The following PPFIA2 variants were observed in gnomAD, a reference collection of about 807,000 sequenced individuals.
PPFIA2 encodes the protein liprin-alpha-2.
In PPFIA2, 46 loss-of-function variants were observed where a neutral mutation model predicts 175.5. The ratio of observed to expected loss-of-function variants is 0.26; its 90% CI spans 0.21 to 0.34. The LOEUF (loss-of-function observed/expected upper bound fraction) is 0.34, where lower values mean the gene tolerates loss of function less well. Ranked by LOEUF, PPFIA2 falls within the 10% of genes least tolerant of loss-of-function variation. The pLI is 1.00. For synonymous variants in PPFIA2, 568 were observed against 511.4 expected (o/e 1.11, Z -1.49); for missense variants, 1,179 against 1,506.1 (o/e 0.78, Z 3.60).
At chr12:81,513,203 C>T (rs1675574361) in intron 4 of PPFIA2, among the ~76,000 whole-genome samples, 2 of 151,948 alleles carry the variant, frequency 1.3e-5, no homozygotes, top group Admixed American at 6.6e-5. Context: ...AATGAGATAC[C>T]AACTTATTCT....
chr12:81,316,919 G>C (rs1478458906), intron 22 of PPFIA2, among the ~76,000 whole-genome samples: 1 of 151,224 alleles, frequency 6.6e-6, no homozygotes, highest in Non-Finnish European at 1.5e-5. Context: ...AGGAAAACTG[G>C]GCTCTGGAGA....
At chr12:81,397,693 C>A (rs1319028505) in intron 8 of PPFIA2, among the ~76,000 whole-genome samples, 1 of 151,946 alleles carries the variant, frequency 6.6e-6, no homozygotes, top group Non-Finnish European at 1.5e-5. Flanking sequence ...ACCAGGGGTG[C>A]CCACGTTCCA....
intron 14 of PPFIA2, among the ~76,000 whole-genome samples, chr12:81,366,212 A>T (rs149674739): frequency 3.8e-4 from 57 of 151,646 alleles, no homozygotes; most frequent in African/African-American, 1.3e-3. Flanking sequence ...TAAAAAAATA[A>T]GATAAAATTG....
chr12:81,472,920 A>G (rs2056955564), intron 4 of PPFIA2: 1 of 152,342 alleles, frequency 6.6e-6, no homozygotes, highest in East Asian at 1.9e-4. Context: ...CACTTTGTAA[A>G]ATACAATTTT....
intron 4 of PPFIA2, among the ~76,000 whole-genome samples, chr12:81,663,180 T>A (rs1234297705): frequency 6.6e-6 from 1 of 152,190 alleles, no homozygotes; most frequent in Non-Finnish European, 1.5e-5. Context: ...TGTGGGAAGT[T>A]CTGGCCAGGG....
intron 29 of PPFIA2, 69 bp downstream of exon 29, chr12:81,267,843 T>C (rs1411195198): frequency 1.4e-6 from 2 of 1,430,072 alleles, no homozygotes; most frequent in African/African-American, 1.5e-5. Flanking sequence ...CAGCCAATTT[T>C]TTTCTAAAAG....
At chr12:81,362,411 A>G (rs986621025) in intron 15 of PPFIA2, among the ~76,000 whole-genome samples, 3 of 151,198 alleles carry the variant, frequency 2.0e-5, no homozygotes, top group Admixed American at 6.6e-5. Context: ...ACACAGTTCA[A>G]TTTCTTCAAT....
At chr12:81,271,975 T>C (rs967222822) in intron 28 of PPFIA2, among the ~76,000 whole-genome samples, 5 of 152,204 alleles carry the variant, frequency 3.3e-5, no homozygotes, top group Non-Finnish European at 5.9e-5. Context: ...GTTTATTAAT[T>C]CTCTCTTTAC....
At chr12:81,720,654 G>A (rs542266207) in intron 3 of PPFIA2, among the ~76,000 whole-genome samples, 1 of 151,484 alleles carries the variant, frequency 6.6e-6, no homozygotes, top group East Asian at 2.0e-4. Context: ...TTTGAACAGA[G>A]TTCCATGAAG....
rs1238550398 is a variant in PPFIA2 at position 81,633,841 on chromosome 12, G to C, written c.303+42950C>G. 2.6e-5 allele frequency among the ~76,000 whole-genome samples: 4 copies of C among 152,008 alleles called. No homozygotes were observed. The East Asian group carries it at 7.7e-4, about 29-fold the overall frequency. On this transcript the variant is annotated intron_variant, in intron 4 of 32. Coordinates refer to ENST00000549396, the MANE Select transcript of PPFIA2 (RefSeq NM_003625.5). ...GTTTTTGTTTTGTGTTTGGAGCAGGGGGGAGAGGAAGGTGGGTAATAGAGA... is the reference window on the plus strand; with the variant it reads ...GTTTTTGTTTTGTGTTTGGAGCAGGCGGGAGAGGAAGGTGGGTAATAGAGA...
chr12:81,692,135 A>ACACAC, intron 3 of PPFIA2, among the ~76,000 whole-genome samples: 1 of 72,792 alleles, frequency 1.4e-5, no homozygotes, highest in Admixed American at 1.4e-4. Flanking sequence ...CACACACACA[A>ACACAC]AACCTGTCTG....
At chr12:81,584,223 T>C (rs1384873813) in intron 4 of PPFIA2, among the ~76,000 whole-genome samples, 1 of 151,898 alleles carries the variant, frequency 6.6e-6, no homozygotes, top group Admixed American at 6.6e-5. Flanking sequence ...TCCTTATATA[T>C]TAAATATTTA....
At chr12:81,631,284 C>T (rs1028173034) in intron 4 of PPFIA2, among the ~76,000 whole-genome samples, 3 of 151,858 alleles carry the variant, frequency 2.0e-5, no homozygotes, top group Non-Finnish European at 4.4e-5. Flanking sequence ...AGAACATTTC[C>T]AGTTATTACA....
At chr12:81,630,300 AATGCAG>A (rs1337589604) in intron 4 of PPFIA2, among the ~76,000 whole-genome samples, 1 of 152,202 alleles carries the variant, frequency 6.6e-6, no homozygotes, top group Admixed American at 6.5e-5. Context: ...ACAATTGCCC[AATGCAG>A]ATGCTTCTTT....
At chr12:81,578,223 C>T (rs2073888653) in intron 4 of PPFIA2, among the ~76,000 whole-genome samples, 1 of 151,674 alleles carries the variant, frequency 6.6e-6, no homozygotes, top group Admixed American at 6.6e-5. Context: ...AAGGCACACA[C>T]TGTCACTTGC....
chr12:81,743,385 C>T, intron 3 of PPFIA2, among the ~76,000 whole-genome samples: 2 of 117,898 alleles, frequency 1.7e-5, no homozygotes, highest in South Asian at 5.7e-4. Flanking sequence ...CCACTGCACT[C>T]CGGGCCACAG....
rs554734211 is a variant in PPFIA2, at chr12:81,554,583, C to T, written c.304-96717G>A. Among the ~76,000 whole-genome samples, 5 of 152,078 alleles carry T rather than the reference C, an allele frequency of 3.3e-5. No individual in the cohort carries two copies. The East Asian group carries it at 7.7e-4, about 24-fold the overall frequency. On this transcript the variant is annotated intron_variant, in intron 4 of 32. Coordinates refer to ENST00000549396, the MANE Select transcript of PPFIA2 (RefSeq NM_003625.5). ...AAAATCTACTATCTCTTTCTCAGAT[C>T]CAGGAACAAAATGTTCAAGAAATCT...
intron 4 of PPFIA2, among the ~76,000 whole-genome samples, chr12:81,559,315 C>T (rs964559370): frequency 2.0e-5 from 3 of 152,124 alleles, no homozygotes; most frequent in Admixed American, 6.5e-5. Context: ...TGTGCATGCA[C>T]GTGCATGTGT....
At position 81,471,384 on chromosome 12, in the gene PPFIA2, G is replaced by A. The variant is rs186997727; in HGVS notation, c.304-13518C>T. The A allele has an allele frequency of 5.5e-4, 83 of 150,372 alleles. 1 individual carries two copies. The highest frequency in any genetic ancestry group is 2.0e-3 in the African/African-American group (82 of 41,018). 9.3% of individuals were successfully genotyped at this position (150,372 alleles called of 1,614,324 possible). A position where few individuals can be genotyped will look rare whatever the true frequency, so the allele number is the denominator to read the frequency against. On this transcript the variant is annotated intron_variant, in intron 4 of 32. Coordinates refer to ENST00000549396, the MANE Select transcript of PPFIA2 (RefSeq NM_003625.5). ...TCCCTATATTTCCCAGGCTGGTCTCGAACTCCTGGGCTCAAGGGATCCTGC... is the reference window on the plus strand; with the variant it reads ...TCCCTATATTTCCCAGGCTGGTCTCAAACTCCTGGGCTCAAGGGATCCTGC...
Sources: gnomAD v4.1 joint callset for allele counts (sites outside exome capture counted in the v4.1 genomes callset) on GRCh38, gnomAD v4.1.1 for gene constraint, MANE v1.5 for transcripts, NCBI Gene and HGNC (gene_info 2026-07-23, HGNC 2026-07-21) for gene names.